CHST5: variants seen among roughly 807,000 people sequenced by gnomAD.
The protein encoded by CHST5 is GST4-alpha.
For missense variants in CHST5, 637 were observed against 602.1 expected (o/e 1.06, Z -0.61); for synonymous variants, 313 against 279.2 (o/e 1.12, Z -1.21).
rs1373993161 is a variant in CHST5 at position 75,529,910 on chromosome 16, C to T, written c.475G>A (p.Ala159Thr). ...RALCSPPACS[A>T]FPRGTISKQD... is the part of the protein sequence containing the mutation. The stretch of plus-strand genomic sequence containing the variant: ...TTGCTGATGGTGCCTCGGGGAAAGG[C>T]GCTGCAGGCGGGCGGCGAGCACAGC... Residue 159 changes from alanine to threonine, a missense_variant, in exon 4 of 4, where the codon GCC (alanine) becomes ACC (threonine). Physicochemically the swap from Ala to Thr is moderately conservative, Grantham distance 58. Transcript: ENST00000336257. The T allele has an allele frequency of 1.2e-6, 2 of 1,613,276 alleles. No individual in the cohort carries two copies. The highest frequency in any genetic ancestry group is 1.7e-6 in the Non-Finnish European group (2 of 1,179,946).
Position 75,529,682 on chromosome 16 carries a change from C to A in CHST5, c.703G>T (p.Ala235Ser). 1 of 1,610,300 alleles carries A rather than the reference C, an allele frequency of 6.2e-7. No individual in the cohort carries two copies. Among genetic ancestry groups the A allele is most frequent in the Non-Finnish European group, 8.5e-7 (1 of 1,178,366 alleles). The change falls in exon 4 of 4, where the codon GCG becomes TCG. Residue 235 changes from alanine (A) to serine (S), a missense_variant. Transcript: ENST00000336257. ...DPRAVLRSRE[A>S]AGPILARDNG... ...TCGCGTGCCAGTATCGGGCCCGCCGCCTCCCGGGAGCGCAGCACGGCCCGC... is the reference window on the plus strand; with the variant it reads ...TCGCGTGCCAGTATCGGGCCCGCCGACTCCCGGGAGCGCAGCACGGCCCGC...
chr16:75,535,970 C>T (rs974653769), intron 1 of CHST5, among the ~76,000 whole-genome samples, 74 bp downstream of exon 1: 2 of 152,322 alleles, frequency 1.3e-5, no homozygotes, highest in Admixed American at 6.5e-5. Context: ...TGGGGGCATC[C>T]TTGCAGCCAA....
chr16:75,532,760 C>A (rs574375101), intron 3 of CHST5, among the ~76,000 whole-genome samples: 2 of 152,234 alleles, frequency 1.3e-5, no homozygotes, highest in Admixed American at 6.5e-5. Context: ...AGGAAGGGAA[C>A]TCATATTTGC....
chr16:75,535,893 G>A (rs1285011734), intron 1 of CHST5, among the ~76,000 whole-genome samples, 151 bp downstream of exon 1: 1 of 152,204 alleles, frequency 6.6e-6, no homozygotes, highest in African/African-American at 2.4e-5. Flanking sequence ...AGAGAACCTG[G>A]GAGCTCCTGG....
Position 75,529,055 on chromosome 16 carries a change from T to C in CHST5, c.*94A>G. The C allele has an allele frequency of 7.3e-7, 1 of 1,375,658 alleles. No homozygotes were observed. Among genetic ancestry groups the C allele is most frequent in the East Asian group, 2.5e-5 (1 of 40,784 alleles). 85.2% of individuals were successfully genotyped at this position (1,375,658 alleles called of 1,614,324 possible). A position where few individuals can be genotyped will look rare whatever the true frequency, so the allele number is the denominator to read the frequency against. ...AAACTCCCGGTTGATAGTAGGGACC[T>C]GCTTCCCCATGCGCCCCAGCTCCCT... On this transcript the variant is annotated 3_prime_UTR_variant, in exon 4 of 4. Transcript: ENST00000336257.
rs925590379 is a variant in CHST5, at chr16:75,533,139, T to C, written c.-1307A>G. On this transcript the variant is annotated 5_prime_UTR_variant, in exon 3 of 4. Transcript: ENST00000336257. ...TTCTTAAGGTGGTTGAATCACTCTA[T>C]GCCACACAGAGTCTCCAGAAGACCA... 2.8e-6 allele frequency: 2 copies of C among 702,412 alleles called. No individual in the cohort carries two copies. Among genetic ancestry groups the C allele is most frequent in the African/African-American group, 1.7e-5 (1 of 57,390 alleles). The allele number at this position is 702,412 out of a possible 1,614,324, so 43.5% of individuals were successfully genotyped here.
chr16:75,535,780 G>C (rs1034469885), intron 1 of CHST5, among the ~76,000 whole-genome samples: 4 of 152,220 alleles, frequency 2.6e-5, no homozygotes, highest in Non-Finnish European at 4.4e-5. Context: ...GCTCTAAGAG[G>C]CGCACCTTTT....
chr16:75,533,026 C>G (rs1377874033), intron 3 of CHST5, 63 bp downstream of exon 3: 1 of 662,090 alleles, frequency 1.5e-6, no homozygotes, highest in Non-Finnish European at 2.7e-6. Context: ...CACAGTTGTC[C>G]TGGCCAGCCC....
In CHST5 at chr16:75,529,805, C is replaced by G; in HGVS notation, c.580G>C (p.Val194Leu). The change falls in exon 4 of 4, where the codon GTG (valine) becomes CTG (leucine). Residue 194 changes from valine (V) to leucine (L), a missense_variant. Val to Leu is a conservative substitution (Grantham distance 32). Transcript: ENST00000336257. Reference protein sequence around the residue: ...REACRSYSHVVLKEVRFFNLQ... With the variant: ...REACRSYSHVLLKEVRFFNLQ... ...TTGAAGAAGCGCACCTCCTTGAGCA[C>G]CACGTGGCTGTAGGAGCGGCAGGCC... 5 of 1,613,844 alleles carry G rather than the reference C, an allele frequency of 3.1e-6. No individual in the cohort carries two copies. Among genetic ancestry groups the G allele is most frequent in the Non-Finnish European group, 4.2e-6 (5 of 1,179,922 alleles).
chr16:75,529,589 C>T lies in CHST5; in HGVS notation c.796G>A (p.Glu266Lys). ...ATGCGCACGTGGCTGCGGCACACCT[C>T]GCGAATCAGGCGCAGGTGAGGGTCG... is the stretch of plus-strand genomic sequence containing the variant. ...EADPHLRLIR[E>K]VCRSHVRIAE... is the part of the protein sequence containing the mutation. The change falls in exon 4 of 4, where the codon GAG (glutamate) becomes AAG (lysine). Residue 266 changes from glutamate to lysine, a missense_variant. Glu to Lys is a moderately conservative substitution (Grantham distance 56). Coordinates refer to ENST00000336257, the MANE Select transcript of CHST5 (RefSeq NM_024533.5). 3.7e-6 allele frequency: 6 copies of T among 1,610,086 alleles called. No individual in the cohort carries two copies. The highest frequency in any genetic ancestry group is 4.2e-6 in the Non-Finnish European group (5 of 1,178,886).
Position 75,530,275 on chromosome 16 carries a change from A to G in CHST5, c.110T>C (p.Leu37Pro). ...GAGCAGGAGGCAGGTGGTCTGTGCCAGGAGGAGCACTGTCACTGTCTTGCT... is the reference window on the plus strand; with the variant it reads ...GAGCAGGAGGCAGGTGGTCTGTGCCGGGAGGAGCACTGTCACTGTCTTGCT... Reference protein sequence around the residue: ...FSSKTVTVLLLAQTTCLLLFI... With the variant: ...FSSKTVTVLLPAQTTCLLLFI... The change falls in exon 4 of 4, where the codon CTG becomes CCG. Residue 37 changes from leucine to proline, a missense_variant. Leu to Pro is a moderately conservative substitution (Grantham distance 98). Coordinates refer to ENST00000336257, the MANE Select transcript of CHST5 (RefSeq NM_024533.5). The G allele has an allele frequency of 6.2e-7, 1 of 1,613,072 alleles. No homozygotes were observed. The highest frequency in any genetic ancestry group is 1.7e-4 in the Middle Eastern group (1 of 6,060).
intron 1 of CHST5, among the ~76,000 whole-genome samples, 85 bp from the exon 2 acceptor site, chr16:75,535,494 C>A (rs1381070527): frequency 2.0e-5 from 3 of 152,338 alleles, no homozygotes; most frequent in Admixed American, 2.0e-4. Context: ...CGGCGCAGAG[C>A]TCCCTCCGGA....
intron 2 of CHST5, among the ~76,000 whole-genome samples, chr16:75,533,992 T>C (rs1191976876): frequency 2.1e-5 from 3 of 144,298 alleles, no homozygotes; most frequent in African/African-American, 7.9e-5. Flanking sequence ...TGGCCGAGAT[T>C]GTGCCATTGC....
Position 75,531,335 on chromosome 16 carries a change from A to AAC in CHST5, c.-952_-951insGT, listed in dbSNP as rs1555503829. 468 of 1,017,306 alleles carry AAC rather than the reference A, an allele frequency of 4.6e-4. 5 individuals are homozygous for AAC. The African/African-American group carries it at 8.1e-3, about 18-fold the overall frequency. 63.0% of individuals were successfully genotyped at this position (1,017,306 alleles called of 1,614,324 possible). On this transcript the variant is annotated 5_prime_UTR_variant, in exon 4 of 4. It introduces an in-frame stop codon into an upstream open reading frame of the 5' UTR. Coordinates refer to ENST00000336257, the MANE Select transcript of CHST5 (RefSeq NM_024533.5). ...GACTCCGTTTCAAAAAAAAAAAAAA[A>AAC]AACAACAAAAAAAAAACTTTTGTCA... is the stretch of plus-strand genomic sequence containing the variant.
rs1280276131 is a variant in CHST5 at position 75,536,067 on chromosome 16, T to C, written c.-1658A>G. Among the ~76,000 whole-genome samples, 1 of 152,188 alleles carries C rather than the reference T, an allele frequency of 6.6e-6. No homozygotes were observed. The highest frequency in any genetic ancestry group is 6.5e-5 in the Admixed American group (1 of 15,286). Reference sequence around the variant, plus strand: ...ACCTTGATGACACAGGAATCCGTGCTGCCTCCCGGTGCAGTGTCCCAGCTG... The same window carrying C: ...ACCTTGATGACACAGGAATCCGTGCCGCCTCCCGGTGCAGTGTCCCAGCTG... On this transcript the variant is annotated 5_prime_UTR_variant, in exon 1 of 4. Transcript: ENST00000336257.
chr16:75,532,002 C>T (rs1308569109), intron 3 of CHST5, among the ~76,000 whole-genome samples: 1 of 152,166 alleles, frequency 6.6e-6, no homozygotes, highest in Admixed American at 6.5e-5. Flanking sequence ...CAATTTGCAC[C>T]TCTGTAGAAT....
chr16:75,531,537 G>C lies in CHST5; in HGVS notation c.-1153C>G, dbSNP rs760532906. The C allele has an allele frequency of 3.1e-6, 4 of 1,303,044 alleles. No individual in the cohort carries two copies. The South Asian group carries it at 4.9e-5, about 16-fold the overall frequency. 80.7% of individuals were successfully genotyped at this position (1,303,044 alleles called of 1,614,324 possible). The stretch of plus-strand genomic sequence containing the variant: ...GATGGAGCCCAAGAAGCAGAGAGGT[G>C]AGAGCAGAGTACTGTCCTGGCCAGC... On this transcript the variant is annotated 5_prime_UTR_variant, in exon 4 of 4. Coordinates refer to ENST00000336257, the MANE Select transcript of CHST5 (RefSeq NM_024533.5).
In CHST5 at chr16:75,531,320, CAAA is replaced by C. The variant is rs370791209; in HGVS notation, c.-939_-937del. On this transcript the variant is annotated 5_prime_UTR_variant, in exon 4 of 4. Transcript: ENST00000336257. ...CTGAGTGAAGAGTGAGACTCCGTTTCAAAAAAAAAAAAAAAAACAACAAAAAAA... is the reference window on the plus strand; with the variant it reads ...CTGAGTGAAGAGTGAGACTCCGTTTCAAAAAAAAAAAAAACAACAAAAAAA... 5.8e-4 allele frequency: 433 copies of C among 741,630 alleles called. No homozygotes were observed. The highest frequency in any genetic ancestry group is 1.8e-3 in the South Asian group (40 of 22,362). The allele number at this position is 741,630 out of a possible 1,614,324, so 45.9% of individuals were successfully genotyped here.
chr16:75,532,409 G>A (rs1479727913), intron 3 of CHST5, among the ~76,000 whole-genome samples: 4 of 152,206 alleles, frequency 2.6e-5, no homozygotes, highest in Non-Finnish European at 5.9e-5. Context: ...GGTGACTTTG[G>A]AAGGGAGGAG....
Sources: gnomAD v4.1 joint callset for allele counts (sites outside exome capture counted in the v4.1 genomes callset) on GRCh38, gnomAD v4.1.1 for gene constraint, MANE v1.5 for transcripts, NCBI Gene and HGNC (gene_info 2026-07-23, HGNC 2026-07-21) for gene names.